The following SLC4A5 variants were observed in gnomAD, a reference collection of about 807,000 sequenced individuals.
SLC4A5 encodes the protein solute carrier family 4 member 5.
SLC4A5 carries 96 observed loss-of-function variants against 120.4 expected under a neutral mutation model. That is an observed-to-expected ratio of 0.80 (90% CI 0.68 to 0.94). The LOEUF (loss-of-function observed/expected upper bound fraction) is 0.94, where lower values mean the gene tolerates loss of function less well. SLC4A5 is among the 40% of genes least tolerant of loss of function. SLC4A5 has a pLI of 0.00. For synonymous variants in SLC4A5, 550 were observed against 571.1 expected (o/e 0.96, Z 0.53); for missense variants, 1,259 against 1,459.5 (o/e 0.86, Z 2.24).
intron 5 of SLC4A5, among the ~76,000 whole-genome samples, chr2:74,317,327 GA>G (rs1378387338): frequency 9.3e-5 from 14 of 151,038 alleles, no homozygotes; most frequent in Non-Finnish European, 1.5e-4. Context: ...ATAATGCAAA[GA>G]AAAATAAACA....
chr2:74,281,846 C>T (rs574446494), intron 8 of SLC4A5, among the ~76,000 whole-genome samples: 6 of 152,204 alleles, frequency 3.9e-5, no homozygotes, highest in South Asian at 2.1e-4. Flanking sequence ...TTTATTAAAG[C>T]GTCCCCTCCC....
At chr2:74,303,864 T>G (rs1271551953) in intron 7 of SLC4A5, among the ~76,000 whole-genome samples, 1 of 151,642 alleles carries the variant, frequency 6.6e-6, no homozygotes, top group Non-Finnish European at 1.5e-5. Flanking sequence ...TTTTTTTTTT[T>G]TTTGAGACGG....
chr2:74,233,379 T>C (rs759230978), intron 23 of SLC4A5, 23 bp downstream of exon 23: 1 of 1,613,176 alleles, frequency 6.2e-7, no homozygotes, highest in Non-Finnish European at 8.5e-7. Context: ...AGGTTATGCC[T>C]CTGCTCCTAG....
chr2:74,321,112 G>T (rs1490496069), intron 5 of SLC4A5, among the ~76,000 whole-genome samples: 2 of 152,112 alleles, frequency 1.3e-5, no homozygotes, highest in Non-Finnish European at 1.5e-5. Context: ...GTGCCATGTT[G>T]GTTGTTAAAT....
chr2:74,319,686 C>T (rs1410219067), intron 5 of SLC4A5, among the ~76,000 whole-genome samples: 1 of 152,032 alleles, frequency 6.6e-6, no homozygotes, highest in Non-Finnish European at 1.5e-5. Context: ...TCTCTCTCTC[C>T]CCATTCACTG....
chr2:74,224,911 C>G (rs571302530), exon 28 of SLC4A5: 1 of 1,613,532 alleles, frequency 6.2e-7, no homozygotes, highest in South Asian at 1.1e-5. Flanking sequence ...TTTTCCTTCT[C>G]TGGGAGGATG....
At chr2:74,310,414 A>G (rs965836904) in intron 6 of SLC4A5, among the ~76,000 whole-genome samples, 1 of 152,190 alleles carries the variant, frequency 6.6e-6, no homozygotes, top group Non-Finnish European at 1.5e-5. Context: ...CTCATCATTA[A>G]GTATGATGTT....
At chr2:74,342,242 T>C (rs908029925) in intron 2 of SLC4A5, among the ~76,000 whole-genome samples, 1 of 152,252 alleles carries the variant, frequency 6.6e-6, no homozygotes, top group Admixed American at 6.5e-5. Flanking sequence ...ATCTCCTTTG[T>C]TGGCATGGCC....
intron 21 of SLC4A5, among the ~76,000 whole-genome samples, chr2:74,235,431 G>A (rs1188682918): frequency 6.6e-6 from 1 of 152,176 alleles, no homozygotes; most frequent in East Asian, 1.9e-4. Context: ...CTGTAAAATG[G>A]AGATGATGGT....
chr2:74,230,704 G>A (rs936637394), intron 25 of SLC4A5, among the ~76,000 whole-genome samples: 3 of 152,126 alleles, frequency 2.0e-5, no homozygotes, highest in Admixed American at 6.6e-5. Flanking sequence ...GGGTGGGAGA[G>A]AGGATTGGTG....
At chr2:74,294,640 A>G (rs1672274047) in intron 7 of SLC4A5, among the ~76,000 whole-genome samples, 1 of 151,908 alleles carries the variant, frequency 6.6e-6, no homozygotes, top group Non-Finnish European at 1.5e-5. Flanking sequence ...GGGGACGGAG[A>G]AAGGAGAGAA....
At chr2:74,321,586 G>A (rs1452843599) in intron 5 of SLC4A5, among the ~76,000 whole-genome samples, 1 of 152,028 alleles carries the variant, frequency 6.6e-6, no homozygotes, top group Non-Finnish European at 1.5e-5. Context: ...CCACACCTGG[G>A]TCATCTGACA....
intron 8 of SLC4A5, among the ~76,000 whole-genome samples, chr2:74,272,440 C>G (rs1182914685): frequency 6.6e-6 from 1 of 152,134 alleles, no homozygotes; most frequent in Non-Finnish European, 1.5e-5. Context: ...ATGTGTAATC[C>G]CAAACAACTC....
intron 6 of SLC4A5, among the ~76,000 whole-genome samples, chr2:74,311,823 A>G (rs1367312606): frequency 6.6e-6 from 1 of 152,004 alleles, no homozygotes; most frequent in Non-Finnish European, 1.5e-5. Context: ...AATCCAGGTG[A>G]TTTATATGCT....
At chr2:74,253,533 T>G (rs911014597) in intron 14 of SLC4A5, among the ~76,000 whole-genome samples, 7 of 152,194 alleles carry the variant, frequency 4.6e-5, no homozygotes, top group Non-Finnish European at 8.8e-5. Context: ...TTCTTCACAC[T>G]GTCTCCAGAG....
intron 11 of SLC4A5, among the ~76,000 whole-genome samples, chr2:74,261,315 G>A (rs975835615): frequency 5.9e-5 from 9 of 152,152 alleles, no homozygotes; most frequent in Non-Finnish European, 1.2e-4. Flanking sequence ...ATCCCTATGT[G>A]GCATAACAAA....
intron 18 of SLC4A5, among the ~76,000 whole-genome samples, chr2:74,247,966 C>T (rs1407068682): frequency 6.6e-6 from 1 of 152,132 alleles, no homozygotes; most frequent in Non-Finnish European, 1.5e-5. Context: ...TGGTCTGGTC[C>T]AAACCCTCAT....
At chr2:74,246,511 C>T (rs914129688) in intron 19 of SLC4A5, among the ~76,000 whole-genome samples, 1 of 152,210 alleles carries the variant, frequency 6.6e-6, no homozygotes, top group Admixed American at 6.5e-5. Flanking sequence ...GAATAAGCCC[C>T]GGTTCTCCAA....
chr2:74,256,039 A>G (rs1288665471), intron 12 of SLC4A5, 107 bp from the exon 13 acceptor site: 1 of 1,252,244 alleles, frequency 8.0e-7, no homozygotes, highest in Non-Finnish European at 1.1e-6. Context: ...AATTCTCCCA[A>G]TGTTGCCAAG....
Sources: gnomAD v4.1 joint callset for allele counts (sites outside exome capture counted in the v4.1 genomes callset) on GRCh38, gnomAD v4.1.1 for gene constraint, MANE v1.5 for transcripts, NCBI Gene and HGNC (gene_info 2026-07-23, HGNC 2026-07-21) for gene names.